The following KIAA1217 variants were observed in gnomAD, a reference collection of about 807,000 sequenced individuals.
KIAA1217 encodes KIAA1217.
Under a neutral mutation model 163.9 loss-of-function variants are expected in KIAA1217, and 88 were observed. The ratio of observed to expected loss-of-function variants is 0.54; its 90% CI spans 0.45 to 0.64. The LOEUF is 0.64. Ranked by LOEUF, KIAA1217 falls within the 30% of genes least tolerant of loss-of-function variation. The probability of loss-of-function intolerance (pLI) is 0.00; values close to 1 mark genes in which losing one functional copy is unlikely to be tolerated. For synonymous variants in KIAA1217, 903 were observed against 923.1 expected (o/e 0.98, Z 0.39); for missense variants, 2,372 against 2,475.0 (o/e 0.96, Z 0.88).
chr10:24,223,068 T>C (rs2069886080), intron 2 of KIAA1217, among the ~76,000 whole-genome samples: 1 of 152,130 alleles, frequency 6.6e-6, no homozygotes, highest in Non-Finnish European at 1.5e-5. Flanking sequence ...GTTGGTTTGG[T>C]AGGTTTTGGC....
intron 2 of KIAA1217, among the ~76,000 whole-genome samples, chr10:24,140,028 A>C (rs1207621407): frequency 6.6e-6 from 1 of 151,818 alleles, no homozygotes; most frequent in Non-Finnish European, 1.5e-5. Flanking sequence ...CCCCCTTATC[A>C]AATTGAGAAC....
At chr10:24,091,006 A>C (rs1173420851) in intron 2 of KIAA1217, among the ~76,000 whole-genome samples, 2 of 151,942 alleles carry the variant, frequency 1.3e-5, no homozygotes, top group Non-Finnish European at 2.9e-5. Flanking sequence ...AAAAATAAGA[A>C]AGTACATTTT....
intron 1 of KIAA1217, among the ~76,000 whole-genome samples, chr10:23,766,575 T>TTTC (rs1564402514): frequency 1.3e-5 from 2 of 150,744 alleles, no homozygotes; most frequent in African/African-American, 4.9e-5. Context: ...TTTCTTTTTT[T>TTTC]TTTCTTTCTT....
At chr10:24,388,332 G>A (rs1339371349) in intron 3 of KIAA1217, among the ~76,000 whole-genome samples, 2 of 152,178 alleles carry the variant, frequency 1.3e-5, no homozygotes, top group Non-Finnish European at 2.9e-5. Context: ...TTAATAAATG[G>A]TGCCGGGAAA....
At chr10:24,429,545 A>G (rs967369070) in intron 3 of KIAA1217, among the ~76,000 whole-genome samples, 16 of 151,828 alleles carry the variant, frequency 1.1e-4, no homozygotes, top group African/African-American at 3.9e-4. Context: ...CCACTTTCTG[A>G]GATTGCGTCA....
chr10:24,286,843 A>T (rs1246014970), intron 2 of KIAA1217, among the ~76,000 whole-genome samples: 1 of 152,074 alleles, frequency 6.6e-6, no homozygotes, highest in Non-Finnish European at 1.5e-5. Flanking sequence ...GACAAACAAA[A>T]ATACCCACAC....
At chr10:23,988,053 T>A (rs558196765) in intron 1 of KIAA1217, among the ~76,000 whole-genome samples, 241 of 152,016 alleles carry the variant, frequency 1.6e-3, no homozygotes, top group African/African-American at 3.7e-3. Flanking sequence ...TATTTTTTTT[T>A]AAAAAGCAGC....
chr10:23,746,096 G>C (rs1839398939), intron 1 of KIAA1217, among the ~76,000 whole-genome samples: 1 of 152,222 alleles, frequency 6.6e-6, no homozygotes, highest in Non-Finnish European at 1.5e-5. Context: ...TGGAGCCTAA[G>C]AGGAGATGTT....
chr10:24,017,173 C>T (rs975601695), intron 2 of KIAA1217, among the ~76,000 whole-genome samples: 32 of 151,820 alleles, frequency 2.1e-4, no homozygotes, highest in East Asian at 7.8e-4. Context: ...CCACCTTAGC[C>T]TCTCAAGTAG....
chr10:24,045,349 T>G (rs1848927659), intron 2 of KIAA1217, among the ~76,000 whole-genome samples: 1 of 152,080 alleles, frequency 6.6e-6, no homozygotes, highest in Non-Finnish European at 1.5e-5. Context: ...TCATTCATTT[T>G]GGCTTGATGG....
chr10:23,706,417 T>C (rs1836890221), intron 1 of KIAA1217, among the ~76,000 whole-genome samples: 1 of 152,194 alleles, frequency 6.6e-6, no homozygotes, highest in Non-Finnish European at 1.5e-5. Context: ...TTTCCACAAA[T>C]ACACTTTATC....
At chr10:23,787,437 A>T (rs1274088425) in intron 1 of KIAA1217, among the ~76,000 whole-genome samples, 1 of 152,148 alleles carries the variant, frequency 6.6e-6, no homozygotes, top group Non-Finnish European at 1.5e-5. Flanking sequence ...TTCTACAGGT[A>T]CAGATATTGG....
chr10:24,395,487 TC>T (rs2055597381), intron 3 of KIAA1217, among the ~76,000 whole-genome samples: 1 of 152,216 alleles, frequency 6.6e-6, no homozygotes, highest in African/African-American at 2.4e-5. Flanking sequence ...GATGTTGATA[TC>T]ATTCATGGTG....
chr10:23,702,251 T>G (rs1836508158), intron 1 of KIAA1217, among the ~76,000 whole-genome samples: 1 of 152,006 alleles, frequency 6.6e-6, no homozygotes, highest in African/African-American at 2.4e-5. Context: ...AACAGAGAAC[T>G]TGGGGTGGGT....
chr10:24,067,440 G>A (rs560678577), intron 2 of KIAA1217, among the ~76,000 whole-genome samples: 11 of 152,268 alleles, frequency 7.2e-5, no homozygotes, highest in South Asian at 4.1e-4. Flanking sequence ...TATCAGCAGC[G>A]GTGGCTGCAG....
chr10:24,140,284 C>A (rs910095044), intron 2 of KIAA1217, among the ~76,000 whole-genome samples: 9 of 150,140 alleles, frequency 6.0e-5, no homozygotes, highest in African/African-American at 2.2e-4. Context: ...GGCATGAACC[C>A]GGGAGGCGGA....
intron 1 of KIAA1217, among the ~76,000 whole-genome samples, chr10:23,905,218 G>A (rs1335058410): frequency 6.6e-6 from 1 of 150,960 alleles, no homozygotes; most frequent in Admixed American, 6.6e-5. Flanking sequence ...GAGAGTTCTT[G>A]GGTGCAGTGG....
Position 24,417,602 on chromosome 10 carries a change from C to A in KIAA1217, c.554-15393C>A, listed in dbSNP as rs145648773. On this transcript the variant is annotated intron_variant, in intron 3 of 20. Transcript: ENST00000376454. ...GGACTAGAATTGCTAGGACAGGGAACCCCCGTGGACGGCTGGCCATTGAGA... is the reference window on the plus strand; with the variant it reads ...GGACTAGAATTGCTAGGACAGGGAAACCCCGTGGACGGCTGGCCATTGAGA... Among the ~76,000 whole-genome samples the A allele has an allele frequency of 1.3e-3, 197 of 152,158 alleles. 2 individuals are homozygous for A. Among genetic ancestry groups the A allele is most frequent in the Middle Eastern group, 6.8e-3 (2 of 294 alleles).
At chr10:23,775,997 T>C (rs543758510) in intron 1 of KIAA1217, among the ~76,000 whole-genome samples, 26 of 152,194 alleles carry the variant, frequency 1.7e-4, no homozygotes, top group Non-Finnish European at 3.2e-4. Context: ...GAAAGTTACA[T>C]TGAATTAAAA....
Sources: gnomAD v4.1 joint callset for allele counts (sites outside exome capture counted in the v4.1 genomes callset) on GRCh38, gnomAD v4.1.1 for gene constraint, MANE v1.5 for transcripts, NCBI Gene and HGNC (gene_info 2026-07-23, HGNC 2026-07-21) for gene names.